Variants in AFF3 observed in about 807,000 individuals in gnomAD.
AFF3 encodes AF4/FMR2 family member 3.
A neutral mutation model predicts 129.7 loss-of-function variants in AFF3; 32 were observed. The observed-to-expected ratio is 0.25, with a 90% CI of 0.19 to 0.33. The LOEUF is 0.33. Ranked by LOEUF, AFF3 falls within the 10% of genes least tolerant of loss-of-function variation. The pLI is 1.00. For synonymous variants in AFF3, 644 were observed against 635.4 expected (o/e 1.01, Z -0.20); for missense variants, 1,373 against 1,592.0 (o/e 0.86, Z 2.34).
intron 7 of AFF3, among the ~76,000 whole-genome samples, chr2:99,927,974 ATG>A (rs1371263445): frequency 3.9e-5 from 6 of 152,106 alleles, no homozygotes; most frequent in Non-Finnish European, 5.9e-5. Context: ...CATGGGTCTC[ATG>A]AGATCTGATG....
At chr2:100,052,621 G>A (rs972694675) in intron 4 of AFF3, among the ~76,000 whole-genome samples, 1 of 152,146 alleles carries the variant, frequency 6.6e-6, no homozygotes, top group Non-Finnish European at 1.5e-5. Flanking sequence ...CCAGACAGAG[G>A]AACTGCTCCA....
At chr2:99,707,466 CA>C (rs1677508536) in intron 11 of AFF3, 1 of 985,172 alleles carries the variant, frequency 1.0e-6, no homozygotes, top group Non-Finnish European at 1.2e-6. Context: ...ACGAGGCAAA[CA>C]AACAAAAGGT....
At chr2:99,718,462 G>A (rs1052958887) in intron 11 of AFF3, among the ~76,000 whole-genome samples, 1 of 152,070 alleles carries the variant, frequency 6.6e-6, no homozygotes, top group Admixed American at 6.5e-5. Context: ...GTTTATTGTT[G>A]ATAAATGGAA....
intron 4 of AFF3, among the ~76,000 whole-genome samples, chr2:100,067,201 G>T (rs79244119): frequency 2.0e-5 from 3 of 151,412 alleles, no homozygotes; most frequent in Admixed American, 6.6e-5. Flanking sequence ...AAAAAAAGGT[G>T]GGGGGAGGGT....
chr2:99,959,794 C>T (rs1677050486), intron 7 of AFF3, among the ~76,000 whole-genome samples: 1 of 151,230 alleles, frequency 6.6e-6, no homozygotes, highest in Non-Finnish European at 1.5e-5. Context: ...GTAAACACAG[C>T]CCGCTCTTGC....
chr2:99,834,804 T>C (rs550586426), intron 8 of AFF3, among the ~76,000 whole-genome samples: 1 of 152,316 alleles, frequency 6.6e-6, no homozygotes, highest in South Asian at 2.1e-4. Flanking sequence ...TTCCTTCCCT[T>C]AGTCTCTAAA....
intron 13 of AFF3, among the ~76,000 whole-genome samples, chr2:99,637,639 A>C (rs1683788451): frequency 6.6e-6 from 1 of 152,140 alleles, no homozygotes; most frequent in Admixed American, 6.5e-5. Flanking sequence ...TGCAGACAGC[A>C]AGTGCTTAAT....
intron 13 of AFF3, among the ~76,000 whole-genome samples, chr2:99,638,340 A>G (rs4850906): frequency 0.61 from 92,162 of 151,848 alleles, 28,404 homozygotes; most frequent in East Asian, 0.82. Flanking sequence ...GATTACAGGC[A>G]TGAGCCACTG....
intron 9 of AFF3, among the ~76,000 whole-genome samples, chr2:99,748,080 G>C (rs1681323416): frequency 1.3e-5 from 2 of 152,062 alleles, no homozygotes; most frequent in Admixed American, 1.3e-4. Flanking sequence ...AAGGAGGACT[G>C]TTCTTCCCAG....
chr2:100,105,202 G>A, intron 3 of AFF3: 1 of 662,404 alleles, frequency 1.5e-6, no homozygotes, highest in South Asian at 3.7e-5. Flanking sequence ...CACTTCTCCC[G>A]CGGCCCAGAA....
intron 7 of AFF3, among the ~76,000 whole-genome samples, chr2:99,903,451 T>C (rs1694494661): frequency 6.6e-6 from 1 of 152,142 alleles, no homozygotes; most frequent in Non-Finnish European, 1.5e-5. Context: ...TTTAAGACAA[T>C]TATAAAATGA....
intron 11 of AFF3, among the ~76,000 whole-genome samples, chr2:99,724,744 C>G (rs1679220485): frequency 1.3e-5 from 2 of 152,138 alleles, no homozygotes; most frequent in Admixed American, 1.3e-4. Flanking sequence ...GTACCTCATA[C>G]CCAATTATAA....
intron 2 of AFF3, chr2:100,106,581 G>C: frequency 1.0e-6 from 1 of 991,306 alleles, no homozygotes; most frequent in South Asian, 4.6e-5. Context: ...GGAGGAGGGA[G>C]CAGGAACAGC....
At chr2:100,139,971 T>A (rs560172581) in intron 1 of AFF3, among the ~76,000 whole-genome samples, 1 of 152,306 alleles carries the variant, frequency 6.6e-6, no homozygotes, top group South Asian at 2.1e-4. Context: ...AGGGTGCAAA[T>A]GGGTCATTTG....
intron 7 of AFF3, among the ~76,000 whole-genome samples, chr2:99,954,423 C>A (rs1306914641): frequency 1.3e-5 from 2 of 151,866 alleles, no homozygotes; most frequent in African/African-American, 4.8e-5. Flanking sequence ...GGGTATATAC[C>A]CAAAGGACTA....
In AFF3 at chr2:100,057,243, C is replaced by T. The variant is rs1686870221; in HGVS notation, c.53+47159G>A. Among the ~76,000 whole-genome samples the T allele has an allele frequency of 2.0e-5, 3 of 148,832 alleles. No homozygotes were observed. In the South Asian group the frequency reaches 6.6e-4, roughly 33 times the overall value. ...GGCTGAGGCAGGAGAATCACTGGAA[C>T]TCGGGAGGCAGAGGTTGCAGTGAGC... On this transcript the variant is annotated intron_variant, in intron 4 of 24. Coordinates refer to ENST00000672756, the MANE Select transcript of AFF3 (RefSeq NM_001386135.1).
At chr2:99,803,530 T>C (rs950057489) in intron 8 of AFF3, among the ~76,000 whole-genome samples, 4 of 152,146 alleles carry the variant, frequency 2.6e-5, no homozygotes, top group Admixed American at 6.6e-5. Context: ...ACAGATTCAA[T>C]GCAACTCTTT....
chr2:100,108,345 G>A (rs939036306), intron 2 of AFF3, among the ~76,000 whole-genome samples: 1 of 152,038 alleles, frequency 6.6e-6, no homozygotes, highest in Admixed American at 6.6e-5. Flanking sequence ...CCTAGGATTC[G>A]AGGTGCCTTT....
chr2:100,054,365 G>C (rs895871710), intron 4 of AFF3, among the ~76,000 whole-genome samples: 3 of 152,234 alleles, frequency 2.0e-5, no homozygotes, highest in Non-Finnish European at 4.4e-5. Context: ...TCTGAGTAAA[G>C]CAGGTTGCCC....
Sources: gnomAD v4.1 joint callset for allele counts (sites outside exome capture counted in the v4.1 genomes callset) on GRCh38, gnomAD v4.1.1 for gene constraint, MANE v1.5 for transcripts, NCBI Gene and HGNC (gene_info 2026-07-23, HGNC 2026-07-21) for gene names.